Variants in ISL2 observed in about 807,000 individuals in gnomAD.
ISL2 encodes ISL LIM homeobox 2, also known as insulin gene enhancer protein ISL-2.
In ISL2, 17 loss-of-function variants were observed where a neutral mutation model predicts 34.6. That is an observed-to-expected ratio of 0.49 (90% CI 0.34 to 0.74). ISL2 has a LOEUF of 0.74. Ranked by LOEUF, ISL2 falls within the 30% of genes least tolerant of loss-of-function variation. ISL2 has a pLI of 0.01. For synonymous variants in ISL2, 232 were observed against 225.5 expected, an observed-to-expected ratio of 1.03 and a Z score of -0.26; for missense variants, 469 against 515.2, an observed-to-expected ratio of 0.91 and a Z score of 0.87.
intron 3 of ISL2, 49 bp from the exon 4 acceptor site, chr15:76,340,227 G>T: frequency 6.7e-7 from 1 of 1,490,922 alleles, no homozygotes; most frequent in Non-Finnish European, 8.9e-7. Context: ...GCTCGGGGCG[G>T]GTGGGTGGCG....
chr15:76,341,341 C>A (rs201693593), intron 5 of ISL2, 40 bp downstream of exon 5: 7 of 1,321,402 alleles, frequency 5.3e-6, no homozygotes, highest in Admixed American at 2.2e-5. Flanking sequence ...CGGGACTCTG[C>A]GGGTTGGGGA....
At position 76,340,559 on chromosome 15, in the gene ISL2, G is replaced by T; in HGVS notation, c.795G>T (p.Thr265=). The T allele has an allele frequency of 1.2e-6, 2 of 1,603,006 alleles. No homozygotes were observed. The highest frequency in any genetic ancestry group is 2.2e-5 in the South Asian group (2 of 90,436). The change falls in exon 4 of 6, where the codon ACG becomes ACT. Residue 265 remains threonine (T), a splice_region_variant and synonymous_variant. Coordinates refer to ENST00000290759, the MANE Select transcript of ISL2 (RefSeq NM_145805.3). ...QLQQQQHSDK[T]SLQGLTGTPL... is the part of the protein sequence containing the mutation. ...AGCAGCAGCAGCACAGCGACAAGACGGTGAGCAGCCGCTGGGCCGGAGGCT... is the reference window on the plus strand; with the variant it reads ...AGCAGCAGCAGCACAGCGACAAGACTGTGAGCAGCCGCTGGGCCGGAGGCT...
rs4636879 is a variant in ISL2, at chr15:76,337,962, T to C, written c.243T>C (p.Tyr81=). The change falls in exon 2 of 6, where the codon TAT becomes TAC. Residue 81 remains tyrosine (Y), a synonymous_variant. Coordinates refer to ENST00000290759, the MANE Select transcript of ISL2 (RefSeq NM_145805.3). ...GGAAGACCTACTGCAAGCGGGACTA[T>C]GTCAGGTGAGGCCGGCGGGAACGCG... The part of the protein sequence containing the change: ...RDGKTYCKRD[Y]VRLFGIKCAK... 1,259,523 of 1,595,982 alleles carry C rather than the reference T, an allele frequency of 0.79. 507,712 individuals carry two copies. The highest frequency in any genetic ancestry group is 0.89 in the East Asian group (38,482 of 43,122).
chr15:76,341,340 G>T (rs1412457866), intron 5 of ISL2, 39 bp downstream of exon 5: 6 of 1,547,978 alleles, frequency 3.9e-6, no homozygotes, highest in Non-Finnish European at 3.5e-6. Context: ...TCGGGACTCT[G>T]CGGGTTGGGG....
intron 1 of ISL2, chr15:76,337,518 G>A (rs2141580836): frequency 4.5e-6 from 2 of 447,850 alleles, no homozygotes; most frequent in South Asian, 4.6e-5. Flanking sequence ...AAGACACGTC[G>A]ACAAAACGAC....
rs2040198257 is a variant in ISL2 at position 76,342,032 on chromosome 15, C to T, written c.*197C>T. ...ACCTGCTTTCACCAGACTGCAGACCCCTGCTCCGAGGACTCTTAGTTTTTC... is the reference window on the plus strand; with the variant it reads ...ACCTGCTTTCACCAGACTGCAGACCTCTGCTCCGAGGACTCTTAGTTTTTC... On this transcript the variant is annotated 3_prime_UTR_variant, in exon 6 of 6. Transcript: ENST00000290759. 9.1e-6 allele frequency: 5 copies of T among 551,870 alleles called. No individual in the cohort carries two copies. The highest frequency in any genetic ancestry group is 1.6e-5 in the Non-Finnish European group (5 of 308,862). 34.2% of individuals were successfully genotyped at this position (551,870 alleles called of 1,614,324 possible). A position where few individuals can be genotyped will look rare whatever the true frequency, so the allele number is the denominator to read the frequency against.
chr15:76,341,215 G>C lies in ISL2; in HGVS notation c.877G>C (p.Glu293Gln), dbSNP rs1329599636. 6.2e-7 allele frequency: 1 copy of C among 1,612,410 alleles called. No individual in the cohort carries two copies. The highest frequency in any genetic ancestry group is 1.7e-5 in the Admixed American group (1 of 59,940). The change falls in exon 5 of 6, where the codon GAG becomes CAG. Residue 293 changes from glutamate (E) to glutamine (Q), a missense_variant. Coordinates refer to ENST00000290759, the MANE Select transcript of ISL2 (RefSeq NM_145805.3). The part of the protein sequence containing the change: ...HENAVQGSAV[E>Q]VQTYQPPWKA... ...GAACGCCGTGCAGGGCAGCGCAGTG[G>C]AGGTGCAGACGTACCAGCCGCCGTG...
At chr15:76,339,394 G>A in intron 3 of ISL2, 1 of 985,468 alleles carries the variant, frequency 1.0e-6, no homozygotes, top group Non-Finnish European at 1.2e-6. Context: ...CCGAAATGGT[G>A]CAGTACAGAT....
At chr15:76,339,962 CGACTGG>C in intron 3 of ISL2, 1 of 1,181,712 alleles carries the variant, frequency 8.5e-7, no homozygotes, top group Non-Finnish European at 1.0e-6. Flanking sequence ...GAGGGTCCTG[CGACTGG>C]AGGAGGCACA....
chr15:76,337,731 G>C, intron 1 of ISL2, 47 bp from the exon 2 acceptor site: 1 of 1,491,466 alleles, frequency 6.7e-7, no homozygotes, highest in Non-Finnish European at 9.0e-7. Flanking sequence ...GGCCGGCCTG[G>C]GTCCGGGCAG....
At chr15:76,338,738 A>G in intron 3 of ISL2, 1 of 985,376 alleles carries the variant, frequency 1.0e-6, no homozygotes, top group Non-Finnish European at 1.2e-6. Context: ...GAGCACGGAG[A>G]ATTGTGCAGA....
At chr15:76,341,057 C>T in intron 4 of ISL2, 77 bp from the exon 5 acceptor site, 1 of 1,370,214 alleles carries the variant, frequency 7.3e-7, no homozygotes, top group Non-Finnish European at 9.9e-7. Context: ...CACTCAAGGC[C>T]TGGAGCTCCA....
intron 4 of ISL2, among the ~76,000 whole-genome samples, 173 bp from the exon 5 acceptor site, chr15:76,340,961 G>C (rs561975124): frequency 3.9e-5 from 6 of 152,382 alleles, no homozygotes; most frequent in African/African-American, 1.4e-4. Flanking sequence ...CAAGTTTGCG[G>C]CCCCCGCAGA....
chr15:76,338,610 G>C lies in ISL2; in HGVS notation c.511+96G>C, dbSNP rs1002802662. 6.4e-6 allele frequency: 8 copies of C among 1,245,738 alleles called. No individual in the cohort carries two copies. The African/African-American group carries it at 1.1e-4, about 17-fold the overall frequency. 77.2% of individuals were successfully genotyped at this position (1,245,738 alleles called of 1,614,324 possible). A position where few individuals can be genotyped will look rare whatever the true frequency, so the allele number is the denominator to read the frequency against. Reference sequence around the variant, plus strand: ...TGTCCCTAACGAGAAGTTGTCAGTTGTGTGTGGTTCCGTCTGCCGGGATAG... The same window carrying C: ...TGTCCCTAACGAGAAGTTGTCAGTTCTGTGTGGTTCCGTCTGCCGGGATAG... On this transcript the variant is annotated intron_variant, in intron 3 of 5. Coordinates refer to ENST00000290759, the MANE Select transcript of ISL2 (RefSeq NM_145805.3).
chr15:76,336,973 T>G (rs1285852749), intron 1 of ISL2, 32 bp downstream of exon 1: 2 of 1,550,482 alleles, frequency 1.3e-6, no homozygotes, highest in East Asian at 2.2e-5. Flanking sequence ...TGGGGTGGGG[T>G]GTGTGTGTAT....
chr15:76,340,246 C>G, intron 3 of ISL2, 30 bp from the exon 4 acceptor site: 1 of 1,532,630 alleles, frequency 6.5e-7, no homozygotes, highest in Non-Finnish European at 8.8e-7. Flanking sequence ...CGGCCCCTCG[C>G]TAACCTCTGG....
chr15:76,341,619 C>G (rs908063521), intron 5 of ISL2, 100 bp from the exon 6 acceptor site: 20 of 921,634 alleles, frequency 2.2e-5, no homozygotes, highest in Admixed American at 3.6e-5. Flanking sequence ...AGCTGGCGGC[C>G]GGTCCCCAAG....
intron 4 of ISL2, 51 bp downstream of exon 4, chr15:76,340,610 G>A (rs757476381): frequency 1.7e-5 from 27 of 1,552,716 alleles, no homozygotes; most frequent in African/African-American, 2.7e-5. Context: ...CTGCGCTTCC[G>A]CCGCGGTATC....
intron 2 of ISL2, 72 bp from the exon 3 acceptor site, chr15:76,338,180 G>C: frequency 1.3e-6 from 2 of 1,489,014 alleles, no homozygotes; most frequent in South Asian, 2.5e-5. Context: ...GCGCGCGCCG[G>C]AGCCGTAGCA....
Sources: allele counts gnomAD v4.1 joint callset (sites outside exome capture counted in the v4.1 genomes callset), GRCh38; gene constraint gnomAD v4.1.1; transcripts MANE v1.5; gene names NCBI Gene and HGNC (gene_info 2026-07-23, HGNC 2026-07-21).